Variants in UBLCP1 observed in about 807,000 individuals in gnomAD.
UBLCP1 encodes ubiquitin-like domain-containing CTD phosphatase 1.
In UBLCP1, 28 loss-of-function variants were observed where a neutral mutation model predicts 42.4. The observed-to-expected ratio is 0.66, with a 90% CI of 0.49 to 0.90. The LOEUF (loss-of-function observed/expected upper bound fraction) is 0.90. Among genes scored for constraint, UBLCP1 ranks in the 40% least tolerant of loss-of-function variants. The pLI is 0.00. For missense variants in UBLCP1, 279 were observed against 374.5 expected (o/e 0.75, Z 2.10); for synonymous variants, 122 against 120.8 (o/e 1.01, Z -0.07).
chr5:159,285,599 C>T lies in UBLCP1; in HGVS notation c.*668C>T, dbSNP rs959930433. The T allele has an allele frequency of 6.6e-6, 1 of 152,248 alleles. No homozygotes were observed. Among genetic ancestry groups the T allele is most frequent in the African/African-American group, 2.4e-5 (1 of 41,412 alleles). 9.4% of individuals were successfully genotyped at this position (152,248 alleles called of 1,614,324 possible). A position where few individuals can be genotyped will look rare whatever the true frequency, so the allele number is the denominator to read the frequency against. On this transcript the variant is annotated 3_prime_UTR_variant, in exon 11 of 11. Coordinates refer to ENST00000296786, the MANE Select transcript of UBLCP1 (RefSeq NM_145049.5). ...CTGGAAAATGTCAGTCTTGACACAG[C>T]TGTGTCTTAGTATGAGAAACAGAAG...
At chr5:159,271,072 A>C (rs780361839) in intron 5 of UBLCP1, among the ~76,000 whole-genome samples, 17 of 152,124 alleles carry the variant, frequency 1.1e-4, no homozygotes, top group Non-Finnish European at 1.9e-4. Flanking sequence ...TGTTGATTAT[A>C]AATAATTTTT....
intron 9 of UBLCP1, among the ~76,000 whole-genome samples, chr5:159,278,641 C>T (rs544016390): frequency 1.3e-5 from 2 of 152,146 alleles, no homozygotes; most frequent in African/African-American, 2.4e-5. Flanking sequence ...GGTGCGATCT[C>T]GGCTCGCTGC....
chr5:159,265,074 A>T (rs1438026580), intron 1 of UBLCP1, among the ~76,000 whole-genome samples: 1 of 152,248 alleles, frequency 6.6e-6, no homozygotes, highest in African/African-American at 2.4e-5. Context: ...GTTACCCTAA[A>T]TTAAGACACT....
chr5:159,279,420 C>T (rs143917879), intron 9 of UBLCP1, among the ~76,000 whole-genome samples: 1 of 152,312 alleles, frequency 6.6e-6, no homozygotes, highest in Non-Finnish European at 1.5e-5. Flanking sequence ...AAAGATAGCT[C>T]TATACTATGG....
At chr5:159,266,102 C>CA (rs1753387961) in intron 1 of UBLCP1, among the ~76,000 whole-genome samples, 1 of 152,160 alleles carries the variant, frequency 6.6e-6, no homozygotes, top group Non-Finnish European at 1.5e-5. Flanking sequence ...GGGTAACAGG[C>CA]AGAGGTTGGA....
intron 1 of UBLCP1, 129 bp from the exon 2 acceptor site, chr5:159,268,741 C>A: frequency 1.7e-6 from 1 of 604,652 alleles, no homozygotes; most frequent in Non-Finnish European, 2.7e-6. Flanking sequence ...GGTAGCACTC[C>A]TGTATGGACA....
In UBLCP1 at chr5:159,285,786, T is replaced by C. The variant is rs1199035318; in HGVS notation, c.*855T>C. Reference sequence around the variant, plus strand: ...AAGCATGAACAAAAAGTTTTTGTTCTGTTCCAGCTATATCTTGTCTAAGTG... The same window carrying C: ...AAGCATGAACAAAAAGTTTTTGTTCCGTTCCAGCTATATCTTGTCTAAGTG... On this transcript the variant is annotated 3_prime_UTR_variant, in exon 11 of 11. Coordinates refer to ENST00000296786, the MANE Select transcript of UBLCP1 (RefSeq NM_145049.5). The C allele has an allele frequency of 1.3e-5, 2 of 152,782 alleles. No individual in the cohort carries two copies. The highest frequency in any genetic ancestry group is 2.9e-5 in the Non-Finnish European group (2 of 68,030). 9.5% of individuals were successfully genotyped at this position (152,782 alleles called of 1,614,324 possible).
chr5:159,266,816 C>T (rs954512187), intron 1 of UBLCP1, among the ~76,000 whole-genome samples: 4 of 152,326 alleles, frequency 2.6e-5, no homozygotes, highest in African/African-American at 9.6e-5. Context: ...GTGGAAGCCT[C>T]AAGCCTTGGT....
At chr5:159,282,713 G>C (rs1753622777) in intron 9 of UBLCP1, among the ~76,000 whole-genome samples, 1 of 151,984 alleles carries the variant, frequency 6.6e-6, no homozygotes, top group Non-Finnish European at 1.5e-5. Context: ...AAATGCTTAT[G>C]ATAAAATGTA....
intron 9 of UBLCP1, among the ~76,000 whole-genome samples, chr5:159,278,917 C>T (rs1326111707): frequency 4.6e-5 from 7 of 152,222 alleles, no homozygotes; most frequent in Admixed American, 2.6e-4. Context: ...ACATGGGCTT[C>T]CCAACATTGA....
intron 1 of UBLCP1, among the ~76,000 whole-genome samples, chr5:159,264,422 C>T (rs996792425): frequency 6.6e-6 from 1 of 152,184 alleles, no homozygotes; most frequent in Non-Finnish European, 1.5e-5. Flanking sequence ...TTGGTGTGAA[C>T]GGTCTTAATG....
At chr5:159,270,731 C>A in intron 5 of UBLCP1, 88 bp downstream of exon 5, 1 of 806,674 alleles carries the variant, frequency 1.2e-6, no homozygotes, top group Non-Finnish European at 1.8e-6. Flanking sequence ...CTTAGCAACT[C>A]ATGGTTCTCG....
chr5:159,278,022 G>T (rs1289190750), intron 8 of UBLCP1, among the ~76,000 whole-genome samples: 1 of 152,246 alleles, frequency 6.6e-6, no homozygotes. Context: ...AATGGGTTTA[G>T]TTCAGTTGGA....
At chr5:159,267,520 T>G (rs1412396407) in intron 1 of UBLCP1, among the ~76,000 whole-genome samples, 2 of 152,188 alleles carry the variant, frequency 1.3e-5, no homozygotes, top group African/African-American at 4.8e-5. Context: ...TGAAATGAAT[T>G]AAGACTTTGG....
intron 1 of UBLCP1, among the ~76,000 whole-genome samples, chr5:159,266,773 G>C (rs1216638405): frequency 6.6e-6 from 1 of 152,252 alleles, no homozygotes; most frequent in Non-Finnish European, 1.5e-5. Flanking sequence ...GCTGAAAGGG[G>C]CCAACTTACA....
intron 8 of UBLCP1, among the ~76,000 whole-genome samples, chr5:159,277,259 A>G (rs567817290): frequency 1.2e-3 from 186 of 152,254 alleles, no homozygotes; most frequent in Non-Finnish European, 2.3e-3. Context: ...GTAAATTAAA[A>G]TATTTCATTA....
At chr5:159,270,249 C>A in intron 3 of UBLCP1, 111 bp from the exon 4 acceptor site, 1 of 947,182 alleles carries the variant, frequency 1.1e-6, no homozygotes, top group Non-Finnish European at 1.6e-6. Context: ...CCAGTATGGG[C>A]TTAAAAGACT....
chr5:159,265,721 C>T (rs1029917851), intron 1 of UBLCP1, among the ~76,000 whole-genome samples: 8 of 152,330 alleles, frequency 5.3e-5, no homozygotes, highest in African/African-American at 1.7e-4. Context: ...CTGTCTTCCT[C>T]ATTCTCTCTT....
chr5:159,269,260 T>G (rs58342763), intron 2 of UBLCP1, among the ~76,000 whole-genome samples, 191 bp downstream of exon 2: 1 of 152,230 alleles, frequency 6.6e-6, no homozygotes, highest in Non-Finnish European at 1.5e-5. Flanking sequence ...AATATTAAAG[T>G]GTTCTCGAAA....
Sources: allele counts gnomAD v4.1 joint callset (sites outside exome capture counted in the v4.1 genomes callset), GRCh38; gene constraint gnomAD v4.1.1; transcripts MANE v1.5; gene names NCBI Gene and HGNC (gene_info 2026-07-23, HGNC 2026-07-21).